METTL6: variants seen among roughly 807,000 people sequenced by gnomAD.
METTL6 encodes the protein tRNA N(3)-cytidine methyltransferase METTL6.
In METTL6, 22 loss-of-function variants were observed where a neutral mutation model predicts 26.4. That is an observed-to-expected ratio of 0.83 (90% CI 0.59 to 1.19). METTL6 has a LOEUF of 1.19. Among genes scored for constraint, METTL6 ranks in the 50% most tolerant of loss-of-function variants. The pLI is 0.00. For missense variants in METTL6, 304 were observed against 324.8 expected, an observed-to-expected ratio of 0.94 and a Z score of 0.49; for synonymous variants, 109 against 116.2, an observed-to-expected ratio of 0.94 and a Z score of 0.40.
chr3:15,386,450 A>G (rs1315778198), intron 6 of METTL6, among the ~76,000 whole-genome samples: 1 of 152,158 alleles, frequency 6.6e-6, no homozygotes, highest in Non-Finnish European at 1.5e-5. Flanking sequence ...AATGAAAGGA[A>G]GCAAAGTCCA....
Position 15,409,958 on chromosome 3 carries a change from T to C in METTL6, c.*1298A>G, listed in dbSNP as rs1365774253. Among the ~76,000 whole-genome samples, 1 of 152,218 alleles carries C rather than the reference T, an allele frequency of 6.6e-6. No homozygotes were observed. Among genetic ancestry groups the C allele is most frequent in the African/African-American group, 2.4e-5 (1 of 41,460 alleles). On this transcript the variant is annotated 3_prime_UTR_variant, in exon 6 of 6. Transcript: ENST00000383790. ...GGCCTCATTTTTCCCCATGGTTGTC[T>C]GACATGTTGCCTGGGGGAACACTTA...
Position 15,415,781 on chromosome 3 carries a change from GT to G in METTL6, c.521del (p.Asn174ThrfsTer6). 1 of 1,613,644 alleles carries G rather than the reference GT, an allele frequency of 6.2e-7. No individual in the cohort carries two copies. Among genetic ancestry groups the G allele is most frequent in the Non-Finnish European group, 8.5e-7 (1 of 1,179,820 alleles). On this transcript the variant is annotated frameshift_variant, in exon 4 of 6. Coordinates refer to ENST00000383790, the MANE Select transcript of METTL6 (RefSeq NM_152396.4). LOFTEE classifies it high-confidence loss of function. ...HPDKMHLVLQNIYKVLKPGKS... is the reference protein window; with the variant it reads ...HPDKMHLVLQXIYKVLKPGKS... ...GCCCCAAATCACTAACCTTGTAAAT[GT>G]TTTGTAAGACAAGGTGCATCTTATC...
At chr3:15,426,085 C>T (rs1444005086) in intron 2 of METTL6, among the ~76,000 whole-genome samples, 9 of 152,084 alleles carry the variant, frequency 5.9e-5, no homozygotes, top group East Asian at 1.9e-4. Flanking sequence ...GGACTACAGG[C>T]GAGCACCACC....
chr3:15,418,970 A>T (rs1165029882), intron 3 of METTL6, among the ~76,000 whole-genome samples: 1 of 152,186 alleles, frequency 6.6e-6, no homozygotes, highest in Non-Finnish European at 1.5e-5. Context: ...AATCCTGTGT[A>T]GCCTGGGCAA....
intron 6 of METTL6, among the ~76,000 whole-genome samples, chr3:15,389,520 GC>G (rs1168036075): frequency 6.6e-6 from 1 of 151,962 alleles, no homozygotes; most frequent in Non-Finnish European, 1.5e-5. Context: ...AGGTTGCCTT[GC>G]CTGTACTCCT....
Position 15,415,948 on chromosome 3 carries a change from G to A in METTL6, c.361-6C>T. ...GTATCATATAAAGGATTTTGCTACA[G>A]GGGGAAGAAATACAAATGAATTTTA... On this transcript the variant is annotated splice_polypyrimidine_tract_variant and splice_region_variant and intron_variant, in intron 3 of 5. Transcript: ENST00000383790. 1 of 1,598,202 alleles carries A rather than the reference G, an allele frequency of 6.3e-7. No individual in the cohort carries two copies. The highest frequency in any genetic ancestry group is 8.5e-7 in the Non-Finnish European group (1 of 1,172,886).
At chr3:15,411,773 A>T (rs28676327) in intron 5 of METTL6, among the ~76,000 whole-genome samples, 2,096 of 151,040 alleles carry the variant, frequency 0.014, 26 homozygotes, top group African/African-American at 0.027. Context: ...TTAAAAAAAA[A>T]TTTTTTTTTG....
intron 6 of METTL6, among the ~76,000 whole-genome samples, chr3:15,402,403 AG>A: frequency 6.6e-6 from 1 of 152,294 alleles, no homozygotes; most frequent in Non-Finnish European, 1.5e-5. Flanking sequence ...TGGGGACCAC[AG>A]GAACAGCTGG....
intron 6 of METTL6, among the ~76,000 whole-genome samples, chr3:15,391,020 T>C (rs1011031731): frequency 6.6e-6 from 1 of 152,226 alleles, no homozygotes; most frequent in Non-Finnish European, 1.5e-5. Context: ...GAAGGTGATC[T>C]TTCCCTGAAG....
At chr3:15,392,850 G>T (rs559221850) in intron 6 of METTL6, among the ~76,000 whole-genome samples, 2 of 152,058 alleles carry the variant, frequency 1.3e-5, no homozygotes, top group Admixed American at 1.3e-4. Flanking sequence ...TGTTCCATTG[G>T]TCTATATCTC....
chr3:15,382,262 G>T (rs1575376861), exon 7 of METTL6: 1 of 152,122 alleles, frequency 6.6e-6, no homozygotes, highest in Non-Finnish European at 1.5e-5. Context: ...GTTTTCCTGA[G>T]ATGCCTCCAT....
intron 2 of METTL6, 85 bp downstream of exon 2, chr3:15,426,202 G>T: frequency 7.4e-7 from 1 of 1,353,222 alleles, no homozygotes; most frequent in Non-Finnish European, 1.0e-6. Context: ...GCCTCCCCAA[G>T]TACTGGGATT....
intron 6 of METTL6, among the ~76,000 whole-genome samples, chr3:15,402,735 C>CAA (rs548363790): frequency 0.056 from 3,217 of 57,570 alleles, 106 homozygotes; most frequent in African/African-American, 0.12. Flanking sequence ...GATTCCATCT[C>CAA]AAAAAAAAAA....
At chr3:15,392,340 G>A (rs1213272765) in intron 6 of METTL6, among the ~76,000 whole-genome samples, 3 of 150,578 alleles carry the variant, frequency 2.0e-5, no homozygotes, top group Admixed American at 2.0e-4. Context: ...ACTTGTTGAT[G>A]GGGTTGTTTT....
intron 6 of METTL6, among the ~76,000 whole-genome samples, chr3:15,389,902 C>A (rs989029352): frequency 6.8e-6 from 1 of 146,746 alleles, no homozygotes; most frequent in African/African-American, 2.5e-5. Context: ...GTCACCCAGG[C>A]TAGAGAGCAG....
chr3:15,399,188 C>T (rs1699569342), intron 6 of METTL6, among the ~76,000 whole-genome samples: 1 of 152,094 alleles, frequency 6.6e-6, no homozygotes, highest in South Asian at 2.1e-4. Flanking sequence ...AATTGCCTAT[C>T]CTTTCCTTCC....
intron 3 of METTL6, among the ~76,000 whole-genome samples, chr3:15,418,336 AG>A (rs2061535659): frequency 1.3e-5 from 2 of 152,244 alleles, no homozygotes; most frequent in African/African-American, 4.8e-5. Flanking sequence ...ACATAATTTC[AG>A]GGATGGAAAC....
At chr3:15,424,764 T>C (rs1226318877) in intron 3 of METTL6, among the ~76,000 whole-genome samples, 191 bp downstream of exon 3, 1 of 152,248 alleles carries the variant, frequency 6.6e-6, no homozygotes, top group African/African-American at 2.4e-5. Context: ...TATTTTTTCC[T>C]GCTTTTCTTG....
chr3:15,420,942 C>T (rs553707668), intron 3 of METTL6, among the ~76,000 whole-genome samples: 15 of 152,142 alleles, frequency 9.9e-5, no homozygotes, highest in South Asian at 8.3e-4. Flanking sequence ...TTATTATGTA[C>T]GTGTAACATT....
Sources: gnomAD v4.1 joint callset for allele counts (sites outside exome capture counted in the v4.1 genomes callset) on GRCh38, gnomAD v4.1.1 for gene constraint, MANE v1.5 for transcripts, NCBI Gene and HGNC (gene_info 2026-07-23, HGNC 2026-07-21) for gene names.